Variants in DHH observed in about 807,000 individuals in gnomAD.
The protein encoded by DHH is desert hedgehog protein.
DHH carries 16 observed loss-of-function variants against 27.6 expected under a neutral mutation model. The ratio of observed to expected loss-of-function variants is 0.58; its 90% CI spans 0.39 to 0.88. DHH has a LOEUF of 0.88. Ranked by LOEUF, DHH falls within the 40% of genes least tolerant of loss-of-function variation. The pLI, the probability that DHH is intolerant of heterozygous loss-of-function variation, is 0.00. For synonymous variants in DHH, 289 were observed against 263.4 expected (o/e 1.10, Z -0.94); for missense variants, 436 against 563.1 (o/e 0.77, Z 2.28).
In DHH at chr12:49,090,548, C is replaced by A. The variant is rs538473541; in HGVS notation, c.566-64G>T. On this transcript the variant is annotated intron_variant, in intron 2 of 2. Coordinates refer to ENST00000649637, the MANE Select transcript of DHH (RefSeq NM_021044.4). The surrounding 1 kb of genome is among the most constrained non-coding windows in gnomAD (Gnocchi z 5.2). ...AGCGGTTCCAGAACGATTCTCAAGG[C>A]CAGCGCAGATATCGCCAGTCATGGA... 3.2e-6 allele frequency: 5 copies of A among 1,575,570 alleles called. No individual in the cohort carries two copies. The African/African-American group carries it at 6.7e-5, about 21-fold the overall frequency.
chr12:49,090,025 G>T lies in DHH; in HGVS notation c.1025C>A (p.Ser342Tyr). The T allele has an allele frequency of 1.3e-6, 2 of 1,556,250 alleles. No homozygotes were observed. Among genetic ancestry groups the T allele is most frequent in the Non-Finnish European group, 1.7e-6 (2 of 1,151,640 alleles). The change falls in exon 3 of 3, where the codon TCT becomes TAT. Residue 342 changes from serine (S) to tyrosine (Y), a missense_variant. By Grantham distance (144) the Ser-to-Tyr change is moderately radical. Transcript: ENST00000649637. The surrounding 1 kb of genome is among the most constrained non-coding windows in gnomAD (Gnocchi z 5.2). Reference sequence around the variant, plus strand: ...GTGACTCTCCAGAACCGCGTAGCAAGAGGCCAGGACATCGTTCACCAGCAG... The same window carrying T: ...GTGACTCTCCAGAACCGCGTAGCAATAGGCCAGGACATCGTTCACCAGCAG... ...GTLLVNDVLA[S>Y]CYAVLESHQW... is the part of the protein sequence containing the mutation.
In DHH at chr12:49,094,767, A is replaced by G. The variant is rs59178045; in HGVS notation, c.-255T>C. The stretch of plus-strand genomic sequence containing the variant: ...GGGGGTCGTGGGTGAGTGCCAGCCC[A>G]GCCCGTCTCTGCTGCAGGACTCTGG... On this transcript the variant is annotated 5_prime_UTR_variant, in exon 1 of 3. Coordinates refer to ENST00000649637, the MANE Select transcript of DHH (RefSeq NM_021044.4). 7,294 of 587,296 alleles carry G rather than the reference A, an allele frequency of 0.012. 415 individuals carry two copies. Among genetic ancestry groups the G allele is most frequent in the African/African-American group, 0.12 (6,527 of 53,548 alleles). 36.4% of individuals were successfully genotyped at this position (587,296 alleles called of 1,614,324 possible).
In DHH at chr12:49,090,472, G is replaced by A. The variant is rs772474313; in HGVS notation, c.578C>T (p.Ala193Val). ...HVSVKADNSL[A>V]VRAGGCFPGN... ...CGGAAAGCAGCCGCCCGCCCGGACC[G>A]CCAGTGAGTTATCTGCAGGGAACAA... The change falls in exon 3 of 3, where the codon GCG (alanine) becomes GTG (valine). Residue 193 changes from alanine to valine, a missense_variant. By Grantham distance (64) the Ala-to-Val change is moderately conservative. Transcript: ENST00000649637. This position sits in a 1 kb window ranked among gnomAD's most constrained non-coding sequence, Gnocchi z 5.2. 4 of 1,601,964 alleles carry A rather than the reference G, an allele frequency of 2.5e-6. No individual in the cohort carries two copies. The South Asian group carries it at 3.3e-5, about 13-fold the overall frequency.
rs544770518 is a variant in DHH at position 49,089,764 on chromosome 12, C to T, written c.*95G>A. Reference sequence around the variant, plus strand: ...TCTCCCTCCCCCTCCCTCTCCCTCCCTTCCAGTCGGCATCGTCTGCTGCCC... The same window carrying T: ...TCTCCCTCCCCCTCCCTCTCCCTCCTTTCCAGTCGGCATCGTCTGCTGCCC... On this transcript the variant is annotated 3_prime_UTR_variant, in exon 3 of 3. Transcript: ENST00000649637. 2.2e-5 allele frequency: 31 copies of T among 1,411,680 alleles called. No homozygotes were observed. The South Asian group carries it at 2.8e-4, about 13-fold the overall frequency. 87.4% of individuals were successfully genotyped at this position (1,411,680 alleles called of 1,614,324 possible).
chr12:49,094,212 C>A lies in DHH; in HGVS notation c.301G>T (p.Glu101Ter). 6.2e-7 allele frequency: 1 copy of A among 1,613,450 alleles called. No homozygotes were observed. The highest frequency in any genetic ancestry group is 1.1e-5 in the South Asian group (1 of 91,082). ...AGGTAGGGAGAGGCCCTCCTTACCTCGGTCATCAGGCGGTCGGCTCCACTG... is the reference window on the plus strand; with the variant it reads ...AGGTAGGGAGAGGCCCTCCTTACCTAGGTCATCAGGCGGTCGGCTCCACTG... The part of the protein sequence containing the change: ...ENSGADRLMT[E>*]RCKERVNALA... The change falls in exon 1 of 3, where the codon GAG becomes TAG. Residue 101 changes from glutamate (E) to a stop codon, truncating the protein, a stop_gained and splice_region_variant. Coordinates refer to ENST00000649637, the MANE Select transcript of DHH (RefSeq NM_021044.4). LOFTEE classifies it high-confidence loss of function.
rs1204008473 is a variant in DHH at position 49,090,079 on chromosome 12, A to C, written c.971T>G (p.Val324Gly). ...ARVAREEAVGVFAPLTAHGTL... is the reference protein window; with the variant it reads ...ARVAREEAVGGFAPLTAHGTL... The stretch of plus-strand genomic sequence containing the variant: ...CCCGTGCGCGGTGAGCGGCGCGAAC[A>C]CGCCCACGGCTTCCTCCCGCGCCAC... Residue 324 changes from valine to glycine, a missense_variant, in exon 3 of 3, where the codon GTG becomes GGG. Transcript: ENST00000649637. The surrounding 1 kb of genome is among the most constrained non-coding windows in gnomAD (Gnocchi z 5.2). 3 of 1,536,852 alleles carry C rather than the reference A, an allele frequency of 2.0e-6. No homozygotes were observed. Among genetic ancestry groups the C allele is most frequent in the Non-Finnish European group, 2.6e-6 (3 of 1,142,350 alleles).
In DHH at chr12:49,090,667, C is replaced by CTATGTATGTATGTATGTATGTATGTATG. The variant is rs35343506; in HGVS notation, c.566-211_566-184dup. ...TTTCTTTTCCTTTTTCTTCTCTTTT[C>CTATGTATGTATGTATGTATGTATGTATG]TATGTATGTATGTATGTATGTATGT... On this transcript the variant is annotated intron_variant, in intron 2 of 2. Transcript: ENST00000649637. This position sits in a 1 kb window ranked among gnomAD's most constrained non-coding sequence, Gnocchi z 5.2. Among the ~76,000 whole-genome samples the CTATGTATGTATGTATGTATGTATGTATG allele has an allele frequency of 6.9e-6, 1 of 145,562 alleles. No individual in the cohort carries two copies. Among genetic ancestry groups the CTATGTATGTATGTATGTATGTATGTATG allele is most frequent in the Non-Finnish European group, 1.5e-5 (1 of 66,252 alleles).
chr12:49,088,944 C>T lies in DHH; in HGVS notation c.*915G>A, dbSNP rs1444440026. 6.6e-6 allele frequency among the ~76,000 whole-genome samples: 1 copy of T among 152,200 alleles called. No individual in the cohort carries two copies. Among genetic ancestry groups the T allele is most frequent in the Non-Finnish European group, 1.5e-5 (1 of 68,032 alleles). On this transcript the variant is annotated 3_prime_UTR_variant, in exon 3 of 3. Coordinates refer to ENST00000649637, the MANE Select transcript of DHH (RefSeq NM_021044.4). ...TCAGGCCATGACTATGCGACGATTG[C>T]AAATTATTACCCAGGTTTCCCATGG...
Position 49,094,608 on chromosome 12 carries a change from CA to C in DHH, c.-97del. Reference sequence around the variant, plus strand: ...CACAGGCACCAGAGAGGGCAGCAGGCACAGCTGCCCCCAGAGTGCCCTAGAG... The same window carrying C: ...CACAGGCACCAGAGAGGGCAGCAGGCCAGCTGCCCCCAGAGTGCCCTAGAG... On this transcript the variant is annotated 5_prime_UTR_variant, in exon 1 of 3. Transcript: ENST00000649637. 2.9e-6 allele frequency: 4 copies of C among 1,369,158 alleles called. No individual in the cohort carries two copies. Among genetic ancestry groups the C allele is most frequent in the Non-Finnish European group, 4.1e-6 (4 of 984,382 alleles). The allele number at this position is 1,369,158 out of a possible 1,614,324, so 84.8% of individuals were successfully genotyped here.
In DHH at chr12:49,089,944, A is replaced by C. The variant is rs752112530; in HGVS notation, c.1106T>G (p.Leu369Arg). 3.2e-6 allele frequency: 5 copies of C among 1,579,324 alleles called. No homozygotes were observed. The South Asian group carries it at 5.8e-5, about 18-fold the overall frequency. Residue 369 changes from leucine (L) to arginine (R), a missense_variant, in exon 3 of 3, where the codon CTG (leucine) becomes CGG (arginine). Physicochemically the swap from Leu to Arg is moderately radical, Grantham distance 102 (BLOSUM62 -2). Transcript: ENST00000649637. ...CGGCTGGACGGCCCCGCCGGGGAGCAGCGCCCCTAGCGCGTGCAGCAGTCT... is the reference window on the plus strand; with the variant it reads ...CGGCTGGACGGCCCCGCCGGGGAGCCGCGCCCCTAGCGCGTGCAGCAGTCT... The part of the protein sequence containing the change: ...PLRLLHALGA[L>R]LPGGAVQPTG...
chr12:49,094,171 G>A, intron 1 of DHH, 39 bp downstream of exon 1: 2 of 1,611,264 alleles, frequency 1.2e-6, no homozygotes, highest in Non-Finnish European at 1.7e-6. Flanking sequence ...CGGAGGAGCT[G>A]GCAGTGCCCC....
rs1157070264 is a variant in DHH at position 49,090,308 on chromosome 12, G to A, written c.742C>T (p.Gln248Ter). The A allele has an allele frequency of 6.3e-7, 1 of 1,596,712 alleles. No individual in the cohort carries two copies. Among genetic ancestry groups the A allele is most frequent in the Non-Finnish European group, 8.5e-7 (1 of 1,172,672 alleles). Residue 248 changes from glutamine (Q) to a stop codon, truncating the protein, a stop_gained, in exon 3 of 3, where the codon CAG (glutamine) becomes TAG (stop). Transcript: ENST00000649637. LOFTEE classifies it high-confidence loss of function. This position sits in a 1 kb window ranked among gnomAD's most constrained non-coding sequence, Gnocchi z 5.2. ...ACAGCCACAAATGAAGCCCGGCGCT[G>A]CAAGTCCCGGTCCAGGAAGAGCAGC... ...PVLLFLDRDL[Q>*]RRASFVAVET...
Position 49,086,815 on chromosome 12 carries a change from C to A in DHH, c.*3044G>T, listed in dbSNP as rs1237935628. On this transcript the variant is annotated 3_prime_UTR_variant, in exon 3 of 3. Transcript: ENST00000649637. ...ACTTCTATATGTAAGGAAGTCTGGACTACTACAGAAATGCTGCTAGTATAC... is the reference window on the plus strand; with the variant it reads ...ACTTCTATATGTAAGGAAGTCTGGAATACTACAGAAATGCTGCTAGTATAC... Among the ~76,000 whole-genome samples, 4 of 152,216 alleles carry A rather than the reference C, an allele frequency of 2.6e-5. No homozygotes were observed. The highest frequency in any genetic ancestry group is 9.7e-5 in the African/African-American group (4 of 41,438).
At position 49,088,350 on chromosome 12, in the gene DHH, A is replaced by G. The variant is rs995130109; in HGVS notation, c.*1509T>C. On this transcript the variant is annotated 3_prime_UTR_variant, in exon 3 of 3. Transcript: ENST00000649637. ...GGAGCGGGCTCCTTTGCGCAGGTCC[A>G]GTACACCCTTCCATGTCTGAGACCG... 2.6e-5 allele frequency among the ~76,000 whole-genome samples: 4 copies of G among 152,206 alleles called. No individual in the cohort carries two copies. The highest frequency in any genetic ancestry group is 2.0e-4 in the Admixed American group (3 of 15,282).
At position 49,088,559 on chromosome 12, in the gene DHH, A is replaced by G. The variant is rs1360185107; in HGVS notation, c.*1300T>C. ...CCTCCCCGCCTCACCTCCACCCAAG[A>G]CACTTCCCTTCTGGAGCAGCCCAGC... On this transcript the variant is annotated 3_prime_UTR_variant, in exon 3 of 3. Transcript: ENST00000649637. 1.3e-5 allele frequency among the ~76,000 whole-genome samples: 2 copies of G among 152,078 alleles called. No individual in the cohort carries two copies. Among genetic ancestry groups the G allele is most frequent in the Non-Finnish European group, 2.9e-5 (2 of 68,002 alleles).
At position 49,094,694 on chromosome 12, in the gene DHH, C is replaced by CG. The variant is rs1939373747; in HGVS notation, c.-183dup. On this transcript the variant is annotated 5_prime_UTR_variant, in exon 1 of 3. Transcript: ENST00000649637. ...TCTGCCCACGTGCCCCGGGAGCGGG[C>CG]GGGGGGTGTCTAGGACCTGCTACTG... 2.7e-6 allele frequency: 2 copies of CG among 754,124 alleles called. No homozygotes were observed. The highest frequency in any genetic ancestry group is 1.7e-5 in the African/African-American group (1 of 57,726). 46.7% of individuals were successfully genotyped at this position (754,124 alleles called of 1,614,324 possible).
rs1939246561 is a variant in DHH, at chr12:49,088,756, C to G, written c.*1103G>C. ...AGACCAAGCCAGTAGAAACAACAAT[C>G]AGGGCCAGCGATCAGGAGGGGAGCT... On this transcript the variant is annotated 3_prime_UTR_variant, in exon 3 of 3. Coordinates refer to ENST00000649637, the MANE Select transcript of DHH (RefSeq NM_021044.4). 3.3e-5 allele frequency among the ~76,000 whole-genome samples: 5 copies of G among 152,184 alleles called. No homozygotes were observed. The highest frequency in any genetic ancestry group is 2.6e-4 in the Admixed American group (4 of 15,268).
In DHH at chr12:49,094,316, C is replaced by T. The variant is rs1367521184; in HGVS notation, c.197G>A (p.Arg66Lys). The T allele has an allele frequency of 1.9e-6, 3 of 1,613,340 alleles. No homozygotes were observed. The highest frequency in any genetic ancestry group is 1.7e-6 in the Non-Finnish European group (2 of 1,179,940). Residue 66 changes from arginine to lysine, a missense_variant, in exon 1 of 3, where the codon AGG becomes AAG. Coordinates refer to ENST00000649637, the MANE Select transcript of DHH (RefSeq NM_021044.4). ...GAAGCGCTCGGAGCCCCTTGCCACC[C>T]TCCCCTCCGCTGGCCCACTGGCGCC... ...TLGASGPAEG[R>K]VARGSERFRD...
intron 1 of DHH, among the ~76,000 whole-genome samples, chr12:49,092,610 G>A (rs1484194802): frequency 2.0e-5 from 3 of 152,190 alleles, no homozygotes. Flanking sequence ...GGGTTGGGTG[G>A]GGGGAAAACA....
Sources: allele counts gnomAD v4.1 joint callset (sites outside exome capture counted in the v4.1 genomes callset), GRCh38; gene constraint gnomAD v4.1.1; non-coding constraint Gnocchi (gnomAD v3.1); transcripts MANE v1.5; gene names NCBI Gene and HGNC (gene_info 2026-07-23, HGNC 2026-07-21).